The following PHF24 variants were observed in gnomAD, a reference collection of about 807,000 sequenced individuals.
PHF24 encodes PHD finger protein 24, also known as Galpha inhibitory interacting protein.
Under a neutral mutation model 42.6 loss-of-function variants are expected in PHF24, and 25 were observed. That is an observed-to-expected ratio of 0.59 (90% CI 0.43 to 0.82). The LOEUF (loss-of-function observed/expected upper bound fraction) is 0.82. Ranked by LOEUF, PHF24 falls within the 40% of genes least tolerant of loss-of-function variation. PHF24 has a pLI of 0.00. For missense variants in PHF24, 470 were observed against 538.1 expected, an observed-to-expected ratio of 0.87 and a Z score of 1.25; for synonymous variants, 185 against 204.8, an observed-to-expected ratio of 0.90 and a Z score of 0.83.
the PHF24 span, among the ~76,000 whole-genome samples, chr9:34,696,472 G>A: frequency 7.4e-6 from 1 of 135,794 alleles, no homozygotes; most frequent in Non-Finnish European, 1.5e-5. Context: ...TGGCGACAGA[G>A]CAAGACTCCA....
chr9:34,977,589 A>C, exon 7 of PHF24: 2 of 1,609,984 alleles, frequency 1.2e-6, no homozygotes, highest in Non-Finnish European at 1.7e-6. Context: ...CCCAGCCAGC[A>C]GCAGCAGCAA....
the PHF24 span, among the ~76,000 whole-genome samples, chr9:34,853,645 G>A: frequency 7.2e-5 from 11 of 151,826 alleles, no homozygotes; most frequent in African/African-American, 2.2e-4. Context: ...CAGCTAAAAC[G>A]GTGAAACCCC....
chr9:34,677,542 G>A, the PHF24 span, among the ~76,000 whole-genome samples: 3 of 151,792 alleles, frequency 2.0e-5, no homozygotes, highest in Non-Finnish European at 2.9e-5. Flanking sequence ...GACTACAGGT[G>A]CCCGCCACCA....
the PHF24 span, among the ~76,000 whole-genome samples, chr9:34,865,622 A>C: frequency 6.6e-6 from 1 of 152,282 alleles, no homozygotes; most frequent in East Asian, 1.9e-4. Flanking sequence ...TCATGGTAGT[A>C]ACCTCAAATC....
chr9:34,737,865 T>G, the PHF24 span, among the ~76,000 whole-genome samples: 3 of 152,212 alleles, frequency 2.0e-5, no homozygotes, highest in African/African-American at 4.8e-5. Context: ...TCCTCTCCTC[T>G]TGACACTGAA....
chr9:34,835,667 C>A, the PHF24 span: 1 of 1,551,472 alleles, frequency 6.4e-7, no homozygotes, highest in South Asian at 1.2e-5. Flanking sequence ...CGGAGCACAG[C>A]TGGCACTTGA....
the PHF24 span, among the ~76,000 whole-genome samples, chr9:34,717,860 C>T: frequency 1.3e-5 from 2 of 152,150 alleles, no homozygotes; most frequent in Non-Finnish European, 2.9e-5. Flanking sequence ...GCAGGGTGTT[C>T]ATGGGTCCAT....
chr9:34,736,232 C>T, the PHF24 span, among the ~76,000 whole-genome samples: 5 of 152,072 alleles, frequency 3.3e-5, 1 homozygote, highest in East Asian at 9.6e-4. Context: ...ATGCAACTGA[C>T]ATCCCAGGAG....
At chr9:34,896,679 G>A in the PHF24 span, among the ~76,000 whole-genome samples, 1 of 152,086 alleles carries the variant, frequency 6.6e-6, no homozygotes, top group Non-Finnish European at 1.5e-5. Context: ...AATAACTTTA[G>A]GCAGAGCAGG....
chr9:34,893,845 G>A, the PHF24 span, among the ~76,000 whole-genome samples: 1 of 152,204 alleles, frequency 6.6e-6, no homozygotes, highest in African/African-American at 2.4e-5. Context: ...TCTCATTTGA[G>A]GCTAAGAAAC....
the PHF24 span, chr9:34,727,046 G>A: frequency 1.3e-6 from 2 of 1,509,612 alleles, no homozygotes; most frequent in African/African-American, 1.4e-5. Flanking sequence ...TCTTGGAAGA[G>A]TGTGGGCTGG....
the PHF24 span, chr9:34,892,760 T>C: frequency 3.8e-6 from 2 of 528,810 alleles, no homozygotes; most frequent in Non-Finnish European, 6.8e-6. Flanking sequence ...TCCCATGACC[T>C]GGGACACAGC....
the PHF24 span, among the ~76,000 whole-genome samples, chr9:34,738,863 G>T: frequency 6.6e-6 from 1 of 152,142 alleles, no homozygotes; most frequent in Non-Finnish European, 1.5e-5. Context: ...AGCCATTTGT[G>T]GTCCTGAGGT....
chr9:34,922,550 A>G, the PHF24 span: 1 of 966,870 alleles, frequency 1.0e-6, no homozygotes. Flanking sequence ...AATGGTAGTG[A>G]TCTCCTTTCA....
intron 1 of PHF24, among the ~76,000 whole-genome samples, chr9:34,960,975 G>C (rs1045346901): frequency 6.6e-6 from 1 of 152,154 alleles, no homozygotes; most frequent in African/African-American, 2.4e-5. Flanking sequence ...GGATTTTACT[G>C]TCTGGATTTC....
At chr9:34,855,231 T>G in the PHF24 span, among the ~76,000 whole-genome samples, 1 of 152,360 alleles carries the variant, frequency 6.6e-6, no homozygotes, top group South Asian at 2.1e-4. Flanking sequence ...TTATCCAGCT[T>G]GCCATTCTGT....
At chr9:34,825,374 T>TA in the PHF24 span, among the ~76,000 whole-genome samples, 12,222 of 152,034 alleles carry the variant, frequency 0.08, 1,638 homozygotes, top group African/African-American at 0.28. Flanking sequence ...ACTATCCTAT[T>TA]AAAGGACAAG....
chr9:34,762,838 G>A, the PHF24 span, among the ~76,000 whole-genome samples: 28 of 152,264 alleles, frequency 1.8e-4, no homozygotes, highest in Middle Eastern at 3.4e-3. Flanking sequence ...TAGGTCTAAC[G>A]TTTAAGTCTT....
At chr9:34,819,133 T>C in the PHF24 span, among the ~76,000 whole-genome samples, 1 of 152,170 alleles carries the variant, frequency 6.6e-6, no homozygotes, top group South Asian at 2.1e-4. Context: ...TAGACTGTTT[T>C]ATAATACTCC....
Sources: allele counts gnomAD v4.1 joint callset (sites outside exome capture counted in the v4.1 genomes callset), GRCh38; gene constraint gnomAD v4.1.1; transcripts MANE v1.5; gene names NCBI Gene and HGNC (gene_info 2026-07-23, HGNC 2026-07-21).